The following CNTN5 variants were observed in gnomAD, a reference collection of about 807,000 sequenced individuals.
The protein encoded by CNTN5 is contactin-5.
In CNTN5, 77 loss-of-function variants were observed where a neutral mutation model predicts 129.1. That is an observed-to-expected ratio of 0.60 (90% CI 0.50 to 0.72). The LOEUF (loss-of-function observed/expected upper bound fraction) is 0.72, where lower values mean the gene tolerates loss of function less well. Ranked by LOEUF, CNTN5 falls within the 30% of genes least tolerant of loss-of-function variation. The probability of loss-of-function intolerance (pLI) is 0.00; values close to 1 mark genes in which losing one functional copy is unlikely to be tolerated. For synonymous variants in CNTN5, 509 were observed against 465.6 expected (o/e 1.09, Z -1.20); for missense variants, 1,478 against 1,328.8 (o/e 1.11, Z -1.75).
In CNTN5 at chr11:100,070,450, A is replaced by T. The variant is rs750295006; in HGVS notation, c.1189A>T (p.Asn397Tyr). 6 of 1,612,394 alleles carry T rather than the reference A, an allele frequency of 3.7e-6. No homozygotes were observed. The highest frequency in any genetic ancestry group is 3.3e-4 in the Middle Eastern group (2 of 5,996). Residue 397 changes from asparagine to tyrosine, a missense_variant, in exon 11 of 25, where the codon AAT becomes TAT. By Grantham distance (143) the Asn-to-Tyr change is moderately radical. Transcript: ENST00000524871. ...YTYPHWVEKL[N>Y]DTQLDSGSPL... is the part of the protein sequence containing the mutation. ...CTACCCACACTGGGTAGAAAAACTG[A>T]ATGATACTCAGTTAGACAGTGGGAG...
At chr11:99,350,432 T>C (rs546071692) in intron 2 of CNTN5, among the ~76,000 whole-genome samples, 1 of 152,308 alleles carries the variant, frequency 6.6e-6, no homozygotes, top group African/African-American at 2.4e-5. Context: ...AGATATGCAC[T>C]GTGAACCAGC....
At chr11:99,625,061 A>C (rs1429009517) in intron 3 of CNTN5, among the ~76,000 whole-genome samples, 1 of 152,172 alleles carries the variant, frequency 6.6e-6, no homozygotes, top group Non-Finnish European at 1.5e-5. Context: ...TGTTGGACAC[A>C]TGGCAGAAGA....
At chr11:99,156,436 C>T (rs1372169752) in intron 1 of CNTN5, among the ~76,000 whole-genome samples, 2 of 151,928 alleles carry the variant, frequency 1.3e-5, no homozygotes, top group Admixed American at 6.6e-5. Flanking sequence ...AGATAACTGG[C>T]ATTCTTATGC....
intron 13 of CNTN5, among the ~76,000 whole-genome samples, chr11:100,161,891 C>CAA (rs1161139594): frequency 2.3e-5 from 3 of 131,690 alleles, no homozygotes; most frequent in African/African-American, 9.2e-5. Context: ...AAACAAAAAA[C>CAA]AAAAAACACA....
rs991774481 is a variant in CNTN5, at chr11:100,358,761, G to T, written c.*2541G>T. 1.3e-5 allele frequency: 2 copies of T among 151,842 alleles called. No homozygotes were observed. The highest frequency in any genetic ancestry group is 4.8e-5 in the African/African-American group (2 of 41,412). 9.4% of individuals were successfully genotyped at this position (151,842 alleles called of 1,614,324 possible). On this transcript the variant is annotated 3_prime_UTR_variant, in exon 25 of 25. Coordinates refer to ENST00000524871, the MANE Select transcript of CNTN5 (RefSeq NM_014361.4). ...TCAAACTGTTAAATATATTGTGTACGATCTGTATATATACTATATATAAGG... is the reference window on the plus strand; with the variant it reads ...TCAAACTGTTAAATATATTGTGTACTATCTGTATATATACTATATATAAGG...
intron 1 of CNTN5, among the ~76,000 whole-genome samples, chr11:99,136,349 G>A (rs1859217177): frequency 6.6e-6 from 1 of 152,094 alleles, no homozygotes; most frequent in African/African-American, 2.4e-5. Flanking sequence ...CTTTGCTTGA[G>A]AAATCTCTAC....
At chr11:100,232,192 G>A (rs1354076222) in intron 16 of CNTN5, among the ~76,000 whole-genome samples, 1 of 152,012 alleles carries the variant, frequency 6.6e-6, no homozygotes, top group Non-Finnish European at 1.5e-5. Context: ...GTGAAGCATA[G>A]GAAGGGGAAA....
intron 2 of CNTN5, among the ~76,000 whole-genome samples, chr11:99,455,887 G>A (rs1296091204): frequency 1.3e-5 from 2 of 152,076 alleles, no homozygotes; most frequent in Non-Finnish European, 2.9e-5. Context: ...TTATTCGTTA[G>A]TCCTATAGCA....
At chr11:99,358,632 G>C (rs949067973) in intron 2 of CNTN5, among the ~76,000 whole-genome samples, 14 of 151,982 alleles carry the variant, frequency 9.2e-5, no homozygotes, top group Non-Finnish European at 1.9e-4. Context: ...ATTAACATGA[G>C]ACACCAATAA....
intron 7 of CNTN5, among the ~76,000 whole-genome samples, chr11:99,954,080 C>A (rs1950739957): frequency 6.6e-6 from 1 of 152,114 alleles, no homozygotes; most frequent in Non-Finnish European, 1.5e-5. Flanking sequence ...TTCCCAACAC[C>A]ATTTTGTATA....
intron 3 of CNTN5, among the ~76,000 whole-genome samples, chr11:99,801,099 C>A (rs935358552): frequency 6.6e-6 from 1 of 152,096 alleles, no homozygotes; most frequent in African/African-American, 2.4e-5. Flanking sequence ...TTATTACTAC[C>A]GTAAGAGCCT....
intron 2 of CNTN5, among the ~76,000 whole-genome samples, chr11:99,351,907 A>G (rs547886388): frequency 6.6e-6 from 1 of 152,304 alleles, no homozygotes; most frequent in African/African-American, 2.4e-5. Flanking sequence ...TGTGGCTGGA[A>G]CCTGATTAGA....
chr11:99,850,815 A>C (rs76071568), intron 6 of CNTN5, among the ~76,000 whole-genome samples: 1 of 152,112 alleles, frequency 6.6e-6, no homozygotes, highest in Non-Finnish European at 1.5e-5. Flanking sequence ...TTTCCCCTGC[A>C]CACCCAACAC....
chr11:99,806,787 A>G (rs1365180976), intron 3 of CNTN5, among the ~76,000 whole-genome samples: 2 of 149,106 alleles, frequency 1.3e-5, no homozygotes, highest in Non-Finnish European at 3.0e-5. Context: ...AGCCTGGGCG[A>G]CAGAGCAAGA....
rs1343640998 is a variant in CNTN5, at chr11:99,732,068, A to G, written c.56-87476A>G. Among the ~76,000 whole-genome samples, 4 of 152,346 alleles carry G rather than the reference A, an allele frequency of 2.6e-5. No homozygotes were observed. In the South Asian group the frequency reaches 6.2e-4, roughly 24 times the overall value. Reference sequence around the variant, plus strand: ...TTTTTTTATTTACTAGGATGTAGATACAAAGAAGACAAATAGTTGAATTCA... The same window carrying G: ...TTTTTTTATTTACTAGGATGTAGATGCAAAGAAGACAAATAGTTGAATTCA... On this transcript the variant is annotated intron_variant, in intron 3 of 24. Transcript: ENST00000524871.
chr11:99,379,953 T>A (rs1191854384), intron 2 of CNTN5, among the ~76,000 whole-genome samples: 1 of 152,030 alleles, frequency 6.6e-6, no homozygotes. Flanking sequence ...TTATGTGCCA[T>A]ATATGAGGTT....
intron 3 of CNTN5, among the ~76,000 whole-genome samples, chr11:99,582,017 C>T (rs1399049833): frequency 1.3e-5 from 2 of 151,824 alleles, no homozygotes; most frequent in Admixed American, 6.6e-5. Context: ...TTAGGGCAGG[C>T]CTGGTGGTGA....
chr11:99,905,273 G>C (rs143461475), intron 6 of CNTN5, among the ~76,000 whole-genome samples: 4 of 152,124 alleles, frequency 2.6e-5, no homozygotes, highest in Non-Finnish European at 5.9e-5. Flanking sequence ...GTGGTTTTAG[G>C]TCTTACGTTT....
In CNTN5 at chr11:99,866,710, T is replaced by TGCTATTGTG. The variant is rs1948365624; in HGVS notation, c.577+21449_577+21457dup. On this transcript the variant is annotated intron_variant, in intron 6 of 24. Transcript: ENST00000524871. ...TGAATCTGACTCAGGATTACTTATT[T>TGCTATTGTG]GCTATTGTGACCATTGTGAGGAAGT... is the stretch of plus-strand genomic sequence containing the variant. Among the ~76,000 whole-genome samples, 6 of 152,224 alleles carry TGCTATTGTG rather than the reference T, an allele frequency of 3.9e-5. No individual in the cohort carries two copies. The South Asian group carries it at 1.2e-3, about 32-fold the overall frequency.
Sources: allele counts gnomAD v4.1 joint callset (sites outside exome capture counted in the v4.1 genomes callset), GRCh38; gene constraint gnomAD v4.1.1; transcripts MANE v1.5; gene names NCBI Gene and HGNC (gene_info 2026-07-23, HGNC 2026-07-21).